Variants in ACOT9 observed in about 807,000 individuals in gnomAD.
The protein encoded by ACOT9 is acyl-CoA thioesterase 9, also known as acyl-coenzyme A thioesterase 9, mitochondrial.
Under a neutral mutation model 39.7 loss-of-function variants are expected in ACOT9, and 34 were observed. That is an observed-to-expected ratio of 0.86 (90% CI 0.65 to 1.14). The LOEUF (loss-of-function observed/expected upper bound fraction) is 1.14. Among genes scored for constraint, ACOT9 ranks in the 50% most tolerant of loss-of-function variants. ACOT9 has a pLI of 0.00. For missense variants in ACOT9, 313 were observed against 344.1 expected, an observed-to-expected ratio of 0.91 and a Z score of 0.71; for synonymous variants, 110 against 120.5, an observed-to-expected ratio of 0.91 and a Z score of 0.57.
intron 1 of ACOT9, among the ~76,000 whole-genome samples, chrX:23,741,455 G>C (rs1920963493): frequency 9.1e-6 from 1 of 110,419 alleles, no homozygotes; most frequent in Non-Finnish European, 1.9e-5. Flanking sequence ...CAGTTGGCAA[G>C]GAAGAGTGTT....
In ACOT9 at chrX:23,701,971, G is replaced by A. The variant is rs1051224490; in HGVS notation, c.*1923C>T. Among the ~76,000 whole-genome samples, 2 of 109,355 alleles carry A rather than the reference G, an allele frequency of 1.8e-5. No homozygotes were observed. Among genetic ancestry groups the A allele is most frequent in the Non-Finnish European group, 3.8e-5 (2 of 52,496 alleles). The allele number at this position is 109,355 out of a possible 115,157, so 95.0% of individuals were successfully genotyped here. ...ACCTGTAATCCTAGCTACTCAGGAGGCTGAGGCAGGAGAATCGCTTGAACC... is the reference window on the plus strand; with the variant it reads ...ACCTGTAATCCTAGCTACTCAGGAGACTGAGGCAGGAGAATCGCTTGAACC... On this transcript the variant is annotated 3_prime_UTR_variant, in exon 16 of 16. Transcript: ENST00000379303.
intron 1 of ACOT9, among the ~76,000 whole-genome samples, chrX:23,738,282 G>A (rs1039041646): frequency 9.1e-6 from 1 of 109,734 alleles, no homozygotes. Context: ...CTTACTGAAG[G>A]AAACAGAGTA....
intron 8 of ACOT9, among the ~76,000 whole-genome samples, chrX:23,716,862 C>CT (rs1485533657): frequency 4.7e-5 from 5 of 105,683 alleles, no homozygotes; most frequent in East Asian, 3.0e-4. Context: ...ATTTTTTGTA[C>CT]TTTTTTTTTT....
At chrX:23,720,366 C>T (rs779397415) in intron 8 of ACOT9, among the ~76,000 whole-genome samples, 2 of 111,898 alleles carry the variant, frequency 1.8e-5, no homozygotes, top group Non-Finnish European at 3.8e-5. Context: ...AATCCTAACC[C>T]CCATAACTGT....
At chrX:23,712,862 C>G (rs919378947) in intron 9 of ACOT9, among the ~76,000 whole-genome samples, 2 of 112,730 alleles carry the variant, frequency 1.8e-5, no homozygotes, top group Non-Finnish European at 3.7e-5. Flanking sequence ...CTTAAGTGAT[C>G]CACCAGCCTT....
intron 1 of ACOT9, among the ~76,000 whole-genome samples, chrX:23,739,575 G>A (rs2146861761): frequency 9.0e-6 from 1 of 111,514 alleles, no homozygotes; most frequent in Admixed American, 9.6e-5. Context: ...AGAGGCCAAC[G>A]CGGGAGGATC....
intron 6 of ACOT9, among the ~76,000 whole-genome samples, chrX:23,724,097 C>T (rs1315224948): frequency 9.1e-6 from 1 of 109,997 alleles, no homozygotes; most frequent in Non-Finnish European, 1.9e-5. Context: ...GACTCCATCT[C>T]TACCAAAAAC....
chrX:23,730,632 C>T, intron 5 of ACOT9, 68 bp from the exon 6 acceptor site: 1 of 1,048,198 alleles, frequency 9.5e-7, no homozygotes, highest in Non-Finnish European at 1.3e-6. Context: ...ATAAATAACA[C>T]ACTTCAGGGT....
rs1480987235 is a variant in ACOT9 at position 23,730,978 on chromosome X, A to G, written c.200T>C (p.Val67Ala). ...TAATTTCCTTTCTTCCATTGCCTTCACATGGTCTCTGAGAAGAAAGGATGC... is the reference window on the plus strand; with the variant it reads ...TAATTTCCTTTCTTCCATTGCCTTCGCATGGTCTCTGAGAAGAAAGGATGC... The part of the protein sequence containing the change: ...VGASTNWRDH[V>A]KAMEERKLLH... Residue 67 changes from valine (V) to alanine (A), a missense_variant, in exon 5 of 16, where the codon GTG (valine) becomes GCG (alanine). Transcript: ENST00000379303. The G allele has an allele frequency of 2.5e-6, 3 of 1,207,688 alleles. No individual in the cohort carries two copies. The highest frequency in any genetic ancestry group is 1.1e-6 in the Non-Finnish European group (1 of 893,331).
At chrX:23,720,985 C>T (rs1045739708) in intron 8 of ACOT9, among the ~76,000 whole-genome samples, 15 of 111,730 alleles carry the variant, frequency 1.3e-4, no homozygotes, top group African/African-American at 4.9e-4. Flanking sequence ...TGCCTGTAAT[C>T]CCAGCATTTG....
intron 11 of ACOT9, 21 bp downstream of exon 11, chrX:23,706,607 G>A (rs778518918): frequency 1.9e-5 from 15 of 778,470 alleles, no homozygotes; most frequent in East Asian, 7.0e-5. Flanking sequence ...TTTTCCCAAC[G>A]TGGAATCTCA....
At chrX:23,727,208 G>A (rs910875620) in intron 6 of ACOT9, among the ~76,000 whole-genome samples, 13 of 112,558 alleles carry the variant, frequency 1.2e-4, no homozygotes, top group Middle Eastern at 9.1e-3. Flanking sequence ...AAATGAGGGA[G>A]AAAGCCAAGT....
At chrX:23,704,095 G>A (rs1357640970) in intron 15 of ACOT9, 113 bp from the exon 16 acceptor site, 1 of 574,725 alleles carries the variant, frequency 1.7e-6, no homozygotes. Context: ...AAGATACACT[G>A]TTGGGCCGGG....
In ACOT9 at chrX:23,713,138, T is replaced by G. The variant is rs1419646911; in HGVS notation, c.659A>C (p.Lys220Thr). 5 of 1,202,595 alleles carry G rather than the reference T, an allele frequency of 4.2e-6. No homozygotes were observed. Among genetic ancestry groups the G allele is most frequent in the Non-Finnish European group, 5.6e-6 (5 of 888,931 alleles). Residue 220 changes from lysine (K) to threonine (T), a missense_variant, in exon 9 of 16, where the codon AAA (lysine) becomes ACA (threonine). Lys to Thr is a moderately conservative substitution (Grantham distance 78, BLOSUM62 -1). Coordinates refer to ENST00000379303, the MANE Select transcript of ACOT9 (RefSeq NM_001037171.2). The stretch of plus-strand genomic sequence containing the variant: ...ATTATGAAAAAATAGCAATTACCCT[T>G]TATTTTCAGAATCACGAGCCACCAT... ...FVMVARDSEN[K>T]GPAFVNPLIP...
intron 6 of ACOT9, among the ~76,000 whole-genome samples, chrX:23,724,771 C>CA (rs1157167474): frequency 9.3e-6 from 1 of 108,066 alleles, no homozygotes; most frequent in Non-Finnish European, 1.9e-5. Context: ...GACCCTATTC[C>CA]AAAAAAACAA....
chrX:23,704,363 G>C (rs1379915741), intron 15 of ACOT9, among the ~76,000 whole-genome samples: 1 of 94,687 alleles, frequency 1.1e-5, no homozygotes, highest in East Asian at 3.3e-4. Context: ...TTTTTTTCTA[G>C]TAGAGACGGG....
chrX:23,707,311 G>A (rs1284848587), intron 10 of ACOT9: 2 of 100,395 alleles, frequency 2.0e-5, no homozygotes, highest in African/African-American at 3.7e-5. Flanking sequence ...AGCAAGAACT[G>A]TCTAAAAAAA....
intron 11 of ACOT9, 93 bp downstream of exon 11, chrX:23,706,535 G>C: frequency 1.7e-6 from 1 of 601,010 alleles, no homozygotes; most frequent in Non-Finnish European, 2.5e-6. Flanking sequence ...TCCAGCCTGG[G>C]TAACAAGAGC....
chrX:23,716,559 T>C (rs1929087412), intron 8 of ACOT9, among the ~76,000 whole-genome samples: 1 of 112,211 alleles, frequency 8.9e-6, no homozygotes, highest in East Asian at 2.8e-4. Flanking sequence ...TAACTCCCTA[T>C]TCTTACGATG....
Sources: gnomAD v4.1 joint callset for allele counts (sites outside exome capture counted in the v4.1 genomes callset) on GRCh38, gnomAD v4.1.1 for gene constraint, MANE v1.5 for transcripts, NCBI Gene and HGNC (gene_info 2026-07-23, HGNC 2026-07-21) for gene names.